Variants in ACSL3 observed in about 807,000 individuals in gnomAD.
ACSL3 encodes the protein acyl-CoA synthetase long chain family member 3.
A neutral mutation model predicts 84.7 loss-of-function variants in ACSL3; 34 were observed. That is an observed-to-expected ratio of 0.40 (90% CI 0.31 to 0.53). The LOEUF (loss-of-function observed/expected upper bound fraction) is 0.53. Among genes scored for constraint, ACSL3 ranks in the 20% least tolerant of loss-of-function variants. The pLI, the probability that ACSL3 is intolerant of heterozygous loss-of-function variation, is 0.48. For missense variants in ACSL3, 680 were observed against 873.1 expected (o/e 0.78, Z 2.79); for synonymous variants, 315 against 299.4 (o/e 1.05, Z -0.54).
intron 1 of ACSL3, among the ~76,000 whole-genome samples, chr2:222,882,411 T>C (rs1334305477): frequency 6.6e-6 from 1 of 152,176 alleles, no homozygotes; most frequent in East Asian, 1.9e-4. Context: ...ATCTCCAAGC[T>C]TTTTGGCACT....
chr2:222,926,437 T>A (rs1188635759), intron 11 of ACSL3, among the ~76,000 whole-genome samples: 1 of 152,164 alleles, frequency 6.6e-6, no homozygotes, highest in East Asian at 1.9e-4. Context: ...TCCTTTTTGA[T>A]CAAGGCAGTA....
Position 222,908,754 on chromosome 2 carries a change from T to C in ACSL3, c.-19T>C, listed in dbSNP as rs202110843. The C allele has an allele frequency of 1.9e-6, 3 of 1,563,630 alleles. No homozygotes were observed. Among genetic ancestry groups the C allele is most frequent in the African/African-American group, 2.8e-5 (2 of 71,456 alleles). The stretch of plus-strand genomic sequence containing the variant: ...CTAGATTCTCGCTGAAGTCTGTTAA[T>C]TCTACTTTTTGAGTACTTATGAATA... On this transcript the variant is annotated 5_prime_UTR_variant, in exon 4 of 17. Transcript: ENST00000357430.
At chr2:222,903,088 A>T (rs1283479170) in intron 3 of ACSL3, among the ~76,000 whole-genome samples, 1 of 152,266 alleles carries the variant, frequency 6.6e-6, no homozygotes, top group Non-Finnish European at 1.5e-5. Context: ...TAGCATCAGT[A>T]AAAATGGTAC....
At chr2:222,940,900 A>T (rs917139393) in intron 16 of ACSL3, among the ~76,000 whole-genome samples, 4 of 146,080 alleles carry the variant, frequency 2.7e-5, no homozygotes, top group African/African-American at 5.0e-5. Context: ...TCTAAATGTA[A>T]TTTTTTTTTT....
intron 16 of ACSL3, among the ~76,000 whole-genome samples, chr2:222,937,790 A>C (rs1171185088): frequency 6.6e-6 from 1 of 152,078 alleles, no homozygotes; most frequent in South Asian, 2.1e-4. Flanking sequence ...TTTACATTTC[A>C]GGTCATTATT....
intron 14 of ACSL3, 190 bp from the exon 15 acceptor site, chr2:222,932,976 G>T: frequency 1.1e-5 from 5 of 442,586 alleles, no homozygotes; most frequent in Non-Finnish European, 1.6e-5. Flanking sequence ...GTATTTAGCA[G>T]TACAAAAATT....
At position 222,869,312 on chromosome 2, in the gene ACSL3, T is replaced by C. The variant is rs894139810; in HGVS notation, c.-207+8054T>C. Reference sequence around the variant, plus strand: ...AGATTTCAATTCTTACCTCACAAGGTTATCATGACTTATGTTAGTTGCTTC... The same window carrying C: ...AGATTTCAATTCTTACCTCACAAGGCTATCATGACTTATGTTAGTTGCTTC... On this transcript the variant is annotated intron_variant, in intron 1 of 16. Transcript: ENST00000357430. Among the ~76,000 whole-genome samples, 4 of 152,314 alleles carry C rather than the reference T, an allele frequency of 2.6e-5. No individual in the cohort carries two copies. The South Asian group carries it at 8.3e-4, about 32-fold the overall frequency.
chr2:222,910,890 T>G (rs1489870917), intron 4 of ACSL3, among the ~76,000 whole-genome samples: 1 of 152,222 alleles, frequency 6.6e-6, no homozygotes, highest in African/African-American at 2.4e-5. Context: ...TTTTTTTCTA[T>G]TTAAGATCTC....
intron 1 of ACSL3, among the ~76,000 whole-genome samples, chr2:222,867,881 A>G (rs1226030367): frequency 2.6e-5 from 4 of 151,816 alleles, no homozygotes; most frequent in Non-Finnish European, 4.4e-5. Context: ...GAGCTAAGGT[A>G]CCATTCTTTG....
chr2:222,885,631 A>T (rs566866694), intron 1 of ACSL3, among the ~76,000 whole-genome samples: 28 of 152,224 alleles, frequency 1.8e-4, no homozygotes, highest in Admixed American at 3.9e-4. Flanking sequence ...ATTAATAACA[A>T]GAAGATTTCT....
At chr2:222,900,810 T>C (rs971657712) in intron 3 of ACSL3, 30 bp downstream of exon 3, 1 of 152,248 alleles carries the variant, frequency 6.6e-6, no homozygotes, top group African/African-American at 2.4e-5. Context: ...GATTTTTATC[T>C]AATTTCTTTG....
At position 222,941,777 on chromosome 2, in the gene ACSL3, C is replaced by T. The variant is rs1328453663; in HGVS notation, c.*123C>T. ...CATATTAAACTATTACTTCTCATGA[C>T]GTCACCATTTTTAACTGACAGGATT... On this transcript the variant is annotated 3_prime_UTR_variant, in exon 17 of 17. Coordinates refer to ENST00000357430, the MANE Select transcript of ACSL3 (RefSeq NM_004457.5). 5.6e-6 allele frequency: 6 copies of T among 1,064,948 alleles called. No homozygotes were observed. In the Admixed American group the frequency reaches 8.5e-5, roughly 15 times the overall value. The allele number at this position is 1,064,948 out of a possible 1,614,324, so 66.0% of individuals were successfully genotyped here.
intron 5 of ACSL3, among the ~76,000 whole-genome samples, chr2:222,917,222 T>C (rs2106124815): frequency 6.6e-6 from 1 of 152,318 alleles, no homozygotes; most frequent in South Asian, 2.1e-4. Flanking sequence ...CTCGAGTAGC[T>C]GGGACTGCAG....
At chr2:222,907,073 G>A (rs1384271205) in intron 3 of ACSL3, among the ~76,000 whole-genome samples, 1 of 152,196 alleles carries the variant, frequency 6.6e-6, no homozygotes, top group African/African-American at 2.4e-5. Flanking sequence ...TGGGGCTGGG[G>A]ACAGCAGCTT....
intron 1 of ACSL3, among the ~76,000 whole-genome samples, chr2:222,883,787 A>G (rs1695653927): frequency 6.6e-6 from 1 of 152,050 alleles, no homozygotes; most frequent in Non-Finnish European, 1.5e-5. Flanking sequence ...TGAGAATTAA[A>G]TTTTCTATAT....
In ACSL3 at chr2:222,927,299, A is replaced by G. The variant is rs367986463; in HGVS notation, c.1465+110A>G. On this transcript the variant is annotated intron_variant, in intron 12 of 16. Coordinates refer to ENST00000357430, the MANE Select transcript of ACSL3 (RefSeq NM_004457.5). ...AAGAGTAGTAAGGTGTTTGTGAGGC[A>G]GAATAATGGTGGATTCCAAGTACTA... 5.4e-6 allele frequency: 6 copies of G among 1,106,964 alleles called. No homozygotes were observed. The South Asian group carries it at 9.3e-5, about 17-fold the overall frequency. 68.6% of individuals were successfully genotyped at this position (1,106,964 alleles called of 1,614,324 possible). A position where few individuals can be genotyped will look rare whatever the true frequency, so the allele number is the denominator to read the frequency against.
intron 1 of ACSL3, among the ~76,000 whole-genome samples, chr2:222,866,955 C>T (rs1695165925): frequency 6.6e-6 from 1 of 151,752 alleles, no homozygotes; most frequent in Non-Finnish European, 1.5e-5. Flanking sequence ...CTGCCGCAGC[C>T]TCCCGAGGAG....
chr2:222,924,600 G>A lies in ACSL3; in HGVS notation c.1292+5G>A. 1.3e-6 allele frequency: 2 copies of A among 1,590,492 alleles called. No homozygotes were observed. Among genetic ancestry groups the A allele is most frequent in the East Asian group, 2.3e-5 (1 of 43,652 alleles). On this transcript the variant is annotated splice_donor_5th_base_variant and intron_variant, in intron 11 of 16. Transcript: ENST00000357430. ...TAATACTCCACTGTGCGACAGGTAA[G>A]TAAAGACTCTCTACCTCCTTCTTTC...
intron 1 of ACSL3, among the ~76,000 whole-genome samples, chr2:222,880,619 G>T (rs766175633): frequency 2.0e-5 from 3 of 151,936 alleles, no homozygotes; most frequent in Non-Finnish European, 4.4e-5. Flanking sequence ...ACGAGATCAG[G>T]AGATCAAGAC....
Sources: allele counts gnomAD v4.1 joint callset (sites outside exome capture counted in the v4.1 genomes callset), GRCh38; gene constraint gnomAD v4.1.1; transcripts MANE v1.5; gene names NCBI Gene and HGNC (gene_info 2026-07-23, HGNC 2026-07-21).